GSG1L: variants seen among roughly 807,000 people sequenced by gnomAD.
GSG1L encodes the protein germ cell-specific gene 1-like protein.
In GSG1L, 24 loss-of-function variants were observed where a neutral mutation model predicts 42.1. The ratio of observed to expected loss-of-function variants is 0.57; its 90% CI spans 0.41 to 0.80. GSG1L has a LOEUF of 0.80. GSG1L is among the 30% of genes least tolerant of loss of function. GSG1L has a pLI of 0.00. For synonymous variants in GSG1L, 215 were observed against 203.5 expected (o/e 1.06, Z -0.48); for missense variants, 445 against 472.2 (o/e 0.94, Z 0.53).
At chr16:27,977,197 C>A (rs143352424) in intron 1 of GSG1L, among the ~76,000 whole-genome samples, 1 of 152,212 alleles carries the variant, frequency 6.6e-6, no homozygotes, top group East Asian at 1.9e-4. Flanking sequence ...CAAGGTGACA[C>A]AGCCACTATG....
rs558909535 is a variant in GSG1L at position 27,870,970 on chromosome 16, C to G, written c.550+13516G>C. Among the ~76,000 whole-genome samples, 4 of 149,850 alleles carry G rather than the reference C, an allele frequency of 2.7e-5. 1 individual carries two copies. Among genetic ancestry groups the G allele is most frequent in the African/African-American group, 1.0e-4 (4 of 39,216 alleles). Reference sequence around the variant, plus strand: ...AACAACAGTCTTTGTGAGACTCACCCTGACCTTGTCACTCCTTCACTTAAA... The same window carrying G: ...AACAACAGTCTTTGTGAGACTCACCGTGACCTTGTCACTCCTTCACTTAAA... On this transcript the variant is annotated intron_variant, in intron 3 of 6. Transcript: ENST00000447459.
chr16:28,002,530 G>A (rs143867434), intron 1 of GSG1L, among the ~76,000 whole-genome samples: 114 of 151,134 alleles, frequency 7.5e-4, no homozygotes, highest in African/African-American at 2.6e-3. Context: ...CTAAGGCAGG[G>A]GGATGGCTTG....
chr16:27,879,179 C>A (rs953979696), intron 3 of GSG1L, among the ~76,000 whole-genome samples: 1 of 152,118 alleles, frequency 6.6e-6, no homozygotes, highest in Admixed American at 6.6e-5. Flanking sequence ...AAGGAGAGAG[C>A]CTTTATCACA....
intron 3 of GSG1L, among the ~76,000 whole-genome samples, chr16:27,873,360 A>T (rs894777062): frequency 6.6e-6 from 1 of 152,200 alleles, no homozygotes; most frequent in Non-Finnish European, 1.5e-5. Flanking sequence ...TTACAGCAGA[A>T]ATATGAATGG....
At chr16:28,046,581 C>T (rs1307897857) in intron 1 of GSG1L, among the ~76,000 whole-genome samples, 1 of 152,046 alleles carries the variant, frequency 6.6e-6, no homozygotes, top group East Asian at 1.9e-4. Flanking sequence ...GTCTCGATCT[C>T]CTGACCTCAT....
chr16:28,048,620 A>G (rs935777733), intron 1 of GSG1L, among the ~76,000 whole-genome samples: 4 of 152,200 alleles, frequency 2.6e-5, no homozygotes, highest in African/African-American at 9.6e-5. Context: ...AAGTAACAAA[A>G]TCAAAATTTC....
At chr16:27,824,660 G>T (rs1197557025) in intron 5 of GSG1L, among the ~76,000 whole-genome samples, 1 of 152,246 alleles carries the variant, frequency 6.6e-6, no homozygotes, top group East Asian at 1.9e-4. Context: ...TTCAAGTTAT[G>T]AATGTGTAAA....
At chr16:27,802,718 T>C (rs1241047063) in intron 6 of GSG1L, among the ~76,000 whole-genome samples, 1 of 152,072 alleles carries the variant, frequency 6.6e-6, no homozygotes, top group Non-Finnish European at 1.5e-5. Context: ...AACCATCCCA[T>C]ACTGTACTGC....
intron 1 of GSG1L, among the ~76,000 whole-genome samples, chr16:27,968,416 GT>G (rs1256064535): frequency 6.6e-6 from 1 of 151,628 alleles, no homozygotes; most frequent in African/African-American, 2.4e-5. Flanking sequence ...CATCTGGCTA[GT>G]TTTTTTTATT....
At chr16:28,026,697 C>A (rs1261936369) in intron 1 of GSG1L, among the ~76,000 whole-genome samples, 1 of 152,206 alleles carries the variant, frequency 6.6e-6, no homozygotes, top group Non-Finnish European at 1.5e-5. Context: ...ATCCTCGTGA[C>A]AGGGCAGAGC....
At chr16:27,909,519 TG>T (rs2084358643) in intron 2 of GSG1L, among the ~76,000 whole-genome samples, 3 of 151,750 alleles carry the variant, frequency 2.0e-5, no homozygotes, top group Admixed American at 2.0e-4. Context: ...CTCAAAGTGT[TG>T]GGATTACAGG....
Position 28,063,104 on chromosome 16 carries a change from G to A in GSG1L, c.321C>T (p.Tyr107=), listed in dbSNP as rs978840676. 44 of 1,440,954 alleles carry A rather than the reference G, an allele frequency of 3.1e-5. No individual in the cohort carries two copies. In the African/African-American group the frequency reaches 5.8e-4, roughly 19 times the overall value. 89.3% of individuals were successfully genotyped at this position (1,440,954 alleles called of 1,614,324 possible). A position where few individuals can be genotyped will look rare whatever the true frequency, so the allele number is the denominator to read the frequency against. ...GCCCGCTGAGCTCCTCCTCGCACGA[G>A]TACCAGATGCCGGTGTGGAAATTCC... ...LFRNFHTGIW[Y]SCEEELSGLG... Residue 107 remains tyrosine, a synonymous_variant, in exon 1 of 7, where the codon TAC becomes TAT. Coordinates refer to ENST00000447459, the MANE Select transcript of GSG1L (RefSeq NM_001109763.2). This position sits in a 1 kb window ranked among gnomAD's most constrained non-coding sequence, Gnocchi z 5.8.
chr16:27,847,248 T>C (rs1418691388), intron 3 of GSG1L, among the ~76,000 whole-genome samples: 1 of 152,166 alleles, frequency 6.6e-6, no homozygotes, highest in African/African-American at 2.4e-5. Flanking sequence ...TCCCAACTCC[T>C]GAAACTATAA....
At chr16:27,836,676 T>G (rs1315998728) in intron 4 of GSG1L, among the ~76,000 whole-genome samples, 2 of 152,228 alleles carry the variant, frequency 1.3e-5, no homozygotes, top group Non-Finnish European at 2.9e-5. Context: ...GGTTATTGAA[T>G]TTTTTAGTTT....
chr16:28,057,523 A>G (rs1248625739), intron 1 of GSG1L, among the ~76,000 whole-genome samples: 4 of 152,236 alleles, frequency 2.6e-5, no homozygotes, highest in South Asian at 4.1e-4. Context: ...AAGAAAAGCC[A>G]TAAATCCAGA....
intron 5 of GSG1L, among the ~76,000 whole-genome samples, chr16:27,811,888 TGATC>T (rs1219853993): frequency 1.3e-5 from 2 of 152,096 alleles, no homozygotes; most frequent in East Asian, 3.9e-4. Flanking sequence ...TGACCTCAGG[TGATC>T]CACCCGCCTC....
chr16:27,994,575 C>T (rs975081085), intron 1 of GSG1L, among the ~76,000 whole-genome samples: 4 of 152,204 alleles, frequency 2.6e-5, no homozygotes, highest in African/African-American at 4.8e-5. Context: ...CACACACACA[C>T]GTGCACATAC....
chr16:28,042,755 G>A (rs1318927628), intron 1 of GSG1L, among the ~76,000 whole-genome samples: 2 of 152,186 alleles, frequency 1.3e-5, no homozygotes, highest in South Asian at 2.1e-4. Flanking sequence ...AGACGTGCTT[G>A]TTAGAGGAAA....
At chr16:27,972,460 C>T (rs998306389) in intron 1 of GSG1L, among the ~76,000 whole-genome samples, 1 of 152,182 alleles carries the variant, frequency 6.6e-6, no homozygotes, top group Non-Finnish European at 1.5e-5. Context: ...ATTGGCTTGC[C>T]GCTTTTAGAA....
Sources: gnomAD v4.1 joint callset for allele counts (sites outside exome capture counted in the v4.1 genomes callset) on GRCh38, gnomAD v4.1.1 for gene constraint, Gnocchi (gnomAD v3.1) non-coding constraint, MANE v1.5 for transcripts, NCBI Gene and HGNC (gene_info 2026-07-23, HGNC 2026-07-21) for gene names.